Variants in CDK14 observed in about 807,000 individuals in gnomAD.
CDK14 encodes cyclin dependent kinase 14.
A neutral mutation model predicts 60.7 loss-of-function variants in CDK14; 34 were observed. That is an observed-to-expected ratio of 0.56 (90% confidence interval 0.43 to 0.75). CDK14 has a LOEUF of 0.75. Ranked by LOEUF, CDK14 falls within the 30% of genes least tolerant of loss-of-function variation. CDK14 has a pLI of 0.00. For missense variants in CDK14, 482 were observed against 564.1 expected, an observed-to-expected ratio of 0.85 and a Z score of 1.47; for synonymous variants, 197 against 203.7, an observed-to-expected ratio of 0.97 and a Z score of 0.28.
chr7:90,650,068 C>T (rs776707966), intron 2 of CDK14, among the ~76,000 whole-genome samples: 2 of 152,180 alleles, frequency 1.3e-5, no homozygotes, highest in Non-Finnish European at 2.9e-5. Context: ...AATTTACACT[C>T]CCACCAACAG....
chr7:90,967,898 G>T (rs1159982353), intron 9 of CDK14, among the ~76,000 whole-genome samples: 1 of 152,168 alleles, frequency 6.6e-6, no homozygotes, highest in Non-Finnish European at 1.5e-5. Context: ...AATGGGATTG[G>T]AGAGAAACTA....
At chr7:90,796,724 G>A (rs975629987) in intron 5 of CDK14, among the ~76,000 whole-genome samples, 2 of 150,408 alleles carry the variant, frequency 1.3e-5, no homozygotes, top group African/African-American at 5.0e-5. Flanking sequence ...ACATTTTGGA[G>A]TAATCAATTT....
At chr7:91,151,398 C>G (rs138671218) in intron 14 of CDK14, among the ~76,000 whole-genome samples, 42 of 152,284 alleles carry the variant, frequency 2.8e-4, no homozygotes, top group African/African-American at 9.6e-4. Context: ...TAATCATGCT[C>G]TCATTCATGC....
intron 4 of CDK14, among the ~76,000 whole-genome samples, chr7:90,785,072 G>T (rs554683807): frequency 6.6e-6 from 1 of 152,272 alleles, no homozygotes; most frequent in East Asian, 1.9e-4. Flanking sequence ...AAGGAAACGA[G>T]CATTGTATAT....
intron 2 of CDK14, among the ~76,000 whole-genome samples, chr7:90,721,691 G>T (rs947714278): frequency 6.6e-6 from 1 of 152,176 alleles, no homozygotes; most frequent in African/African-American, 2.4e-5. Flanking sequence ...GGCACTAGGG[G>T]TGCACATGAA....
chr7:90,799,692 A>C (rs1488540635), intron 5 of CDK14, among the ~76,000 whole-genome samples: 1 of 36,720 alleles, frequency 2.7e-5, no homozygotes, highest in Non-Finnish European at 5.6e-5. Flanking sequence ...CTCCATCTCA[A>C]AAAAAAAAAA....
At chr7:90,803,238 G>A (rs1788708999) in intron 5 of CDK14, among the ~76,000 whole-genome samples, 1 of 152,004 alleles carries the variant, frequency 6.6e-6, no homozygotes, top group African/African-American at 2.4e-5. Context: ...CACATTGTGG[G>A]GATTGAGTAA....
intron 8 of CDK14, among the ~76,000 whole-genome samples, chr7:90,952,294 A>G (rs2117553565): frequency 6.6e-6 from 1 of 152,300 alleles, no homozygotes; most frequent in African/African-American, 2.4e-5. Flanking sequence ...GGGTAGAACC[A>G]GGCTCAGGGT....
chr7:90,685,102 C>G (rs1472534877), intron 2 of CDK14, among the ~76,000 whole-genome samples: 1 of 151,146 alleles, frequency 6.6e-6, no homozygotes, highest in Non-Finnish European at 1.5e-5. Flanking sequence ...ATAGTTTCAT[C>G]TTTTATATTT....
At chr7:91,165,212 A>G (rs577388200) in intron 14 of CDK14, among the ~76,000 whole-genome samples, 1 of 152,324 alleles carries the variant, frequency 6.6e-6, no homozygotes, top group African/African-American at 2.4e-5. Context: ...GATTACTTCC[A>G]GGCCTGTGAC....
chr7:91,147,747 C>A (rs43018), intron 14 of CDK14, among the ~76,000 whole-genome samples: 53,817 of 151,992 alleles, frequency 0.35, 11,227 homozygotes, highest in Non-Finnish European at 0.48. Flanking sequence ...CCCTCCCCCC[C>A]ATTAAAGCCT....
chr7:91,060,237 T>TTC lies in CDK14; in HGVS notation c.1105+14278_1105+14279insCT, dbSNP rs1484103486. 6.6e-5 allele frequency among the ~76,000 whole-genome samples: 10 copies of TTC among 152,176 alleles called. No homozygotes were observed. In the East Asian group the frequency reaches 1.9e-3, roughly 29 times the overall value. ...GGATTGCAACCCCTGCCTTTTTTTTTTTTTCCATTTGCTTGGTAGATCTTC... is the reference window on the plus strand; with the variant it reads ...GGATTGCAACCCCTGCCTTTTTTTTTTCTTTTCCATTTGCTTGGTAGATCTTC... On this transcript the variant is annotated intron_variant, in intron 11 of 14. Coordinates refer to ENST00000380050, the MANE Select transcript of CDK14 (RefSeq NM_001287135.2).
intron 11 of CDK14, among the ~76,000 whole-genome samples, chr7:91,061,151 G>A (rs558435486): frequency 6.6e-6 from 1 of 151,836 alleles, no homozygotes; most frequent in East Asian, 1.9e-4. Context: ...TCATTCATTT[G>A]ATCTTCAGTC....
At chr7:91,005,149 G>C (rs1795944925) in intron 10 of CDK14, among the ~76,000 whole-genome samples, 3 of 152,234 alleles carry the variant, frequency 2.0e-5, no homozygotes, top group African/African-American at 4.8e-5. Context: ...CCCTCTGGGT[G>C]CCAGTGGGCC....
At chr7:91,045,316 A>T (rs980977541) in intron 10 of CDK14, among the ~76,000 whole-genome samples, 1 of 152,254 alleles carries the variant, frequency 6.6e-6, no homozygotes, top group Non-Finnish European at 1.5e-5. Flanking sequence ...GAAAGAAGGT[A>T]GACATATGGA....
intron 4 of CDK14, among the ~76,000 whole-genome samples, chr7:90,748,369 CAT>C (rs1474544634): frequency 1.3e-5 from 2 of 152,102 alleles, no homozygotes; most frequent in Non-Finnish European, 2.9e-5. Flanking sequence ...AGCTTGTCCT[CAT>C]GTGTTTCTGA....
Position 91,046,906 on chromosome 7 carries a change from A to G in CDK14, c.1105+946A>G, listed in dbSNP as rs1797255195. ...AGGAATAAATTATCAGTTCCAAAGAATGACTGAGTTGGGAAACTATTTTTA... is the reference window on the plus strand; with the variant it reads ...AGGAATAAATTATCAGTTCCAAAGAGTGACTGAGTTGGGAAACTATTTTTA... On this transcript the variant is annotated intron_variant, in intron 11 of 14. Transcript: ENST00000380050. 2.0e-5 allele frequency among the ~76,000 whole-genome samples: 3 copies of G among 152,170 alleles called. No individual in the cohort carries two copies. In the South Asian group the frequency reaches 6.2e-4, roughly 32 times the overall value.
At chr7:91,084,540 G>A (rs1397402) in intron 12 of CDK14, among the ~76,000 whole-genome samples, 10,383 of 152,256 alleles carry the variant, frequency 0.068, 514 homozygotes, top group East Asian at 0.16. Context: ...CTTCCACACA[G>A]CTCCCACTGC....
intron 11 of CDK14, among the ~76,000 whole-genome samples, chr7:91,057,297 G>T (rs1797604346): frequency 6.6e-6 from 1 of 152,060 alleles, no homozygotes; most frequent in South Asian, 2.1e-4. Flanking sequence ...TGTAGATTCT[G>T]GATATTAGCC....
Sources: gnomAD v4.1 joint callset for allele counts (sites outside exome capture counted in the v4.1 genomes callset) on GRCh38, gnomAD v4.1.1 for gene constraint, MANE v1.5 for transcripts, NCBI Gene and HGNC (gene_info 2026-07-23, HGNC 2026-07-21) for gene names.